MANBA: variants seen among roughly 807,000 people sequenced by gnomAD.
MANBA encodes beta-mannosidase.
A neutral mutation model predicts 111.1 loss-of-function variants in MANBA; 83 were observed. That is an observed-to-expected ratio of 0.75 (90% confidence interval 0.63 to 0.90). The LOEUF (loss-of-function observed/expected upper bound fraction) is 0.90, where lower values mean the gene tolerates loss of function less well. Among genes scored for constraint, MANBA ranks in the 40% least tolerant of loss-of-function variants. MANBA has a pLI of 0.00. For synonymous variants in MANBA, 370 were observed against 378.7 expected (o/e 0.98, Z 0.27); for missense variants, 1,036 against 1,069.0 (o/e 0.97, Z 0.43).
chr4:102,656,978 T>C (rs1730583509), intron 12 of MANBA, among the ~76,000 whole-genome samples: 1 of 152,054 alleles, frequency 6.6e-6, no homozygotes, highest in East Asian at 1.9e-4. Flanking sequence ...TTTTGAGTGA[T>C]AAAAATGTTC....
At chr4:102,643,589 A>T (rs1459306876) in intron 13 of MANBA, among the ~76,000 whole-genome samples, 1 of 152,078 alleles carries the variant, frequency 6.6e-6, no homozygotes, top group Non-Finnish European at 1.5e-5. Flanking sequence ...AAATTTGTAG[A>T]TATTGTAGTG....
chr4:102,631,602 A>G lies in MANBA; in HGVS notation c.*455T>C. The G allele has an allele frequency of 4.9e-6, 2 of 411,922 alleles. No homozygotes were observed. 25.5% of individuals were successfully genotyped at this position (411,922 alleles called of 1,614,324 possible). ...ACCACCAAGAAATCTCTGTTGTAAC[A>G]TTTCAATCGCCATTCCCTCTGAAAT... is the stretch of plus-strand genomic sequence containing the variant. On this transcript the variant is annotated 3_prime_UTR_variant, in exon 17 of 17. Coordinates refer to ENST00000647097, the MANE Select transcript of MANBA (RefSeq NM_005908.4).
intron 7 of MANBA, among the ~76,000 whole-genome samples, chr4:102,679,941 T>C (rs1365050364): frequency 2.6e-5 from 4 of 151,646 alleles, no homozygotes. Flanking sequence ...AAAAAAAAAA[T>C]CCCACTTCTC....
At chr4:102,683,136 C>G (rs931157548) in intron 7 of MANBA, among the ~76,000 whole-genome samples, 1 of 140,624 alleles carries the variant, frequency 7.1e-6, no homozygotes, top group Non-Finnish European at 1.5e-5. Context: ...AAGATGAAGA[C>G]AGGAATTTAA....
intron 12 of MANBA, among the ~76,000 whole-genome samples, chr4:102,651,263 G>A (rs759515835): frequency 6.6e-6 from 1 of 151,852 alleles, no homozygotes; most frequent in Non-Finnish European, 1.5e-5. Context: ...TTATATAGTT[G>A]AAGACACAAA....
intron 16 of MANBA, among the ~76,000 whole-genome samples, chr4:102,634,370 A>G (rs779512995): frequency 1.3e-5 from 2 of 152,252 alleles, no homozygotes; most frequent in Non-Finnish European, 2.9e-5. Context: ...CCTCGAGCTC[A>G]TCACTTAACC....
At chr4:102,677,464 A>AT (rs1202736214) in intron 7 of MANBA, among the ~76,000 whole-genome samples, 1 of 152,190 alleles carries the variant, frequency 6.6e-6, no homozygotes, top group Non-Finnish European at 1.5e-5. Flanking sequence ...AGAAACAAAC[A>AT]TTTTCCAATA....
chr4:102,757,677 T>C (rs891281364), intron 1 of MANBA, among the ~76,000 whole-genome samples: 6 of 152,198 alleles, frequency 3.9e-5, no homozygotes, highest in African/African-American at 1.2e-4. Context: ...TGCCCATACA[T>C]AGACCAGCAA....
chr4:102,708,414 G>C (rs1030274835), intron 5 of MANBA, among the ~76,000 whole-genome samples: 3 of 151,972 alleles, frequency 2.0e-5, no homozygotes, highest in Admixed American at 2.0e-4. Flanking sequence ...ATTGGGTCAA[G>C]AAAGAAATTA....
At chr4:102,711,438 A>T (rs927558340) in intron 5 of MANBA, among the ~76,000 whole-genome samples, 5 of 152,196 alleles carry the variant, frequency 3.3e-5, no homozygotes, top group African/African-American at 1.2e-4. Flanking sequence ...TAGAATGACT[A>T]TTACTGAAAA....
rs571349047 is a variant in MANBA at position 102,691,386 on chromosome 4, C to T, written c.674-615G>A. ...CTCTCATGAACTAAAAGTCTATAGACAAATTCAAAAGCATAATAATATCAG... is the reference window on the plus strand; with the variant it reads ...CTCTCATGAACTAAAAGTCTATAGATAAATTCAAAAGCATAATAATATCAG... On this transcript the variant is annotated intron_variant, in intron 5 of 16. Coordinates refer to ENST00000647097, the MANE Select transcript of MANBA (RefSeq NM_005908.4). 4.6e-5 allele frequency among the ~76,000 whole-genome samples: 7 copies of T among 151,794 alleles called. No individual in the cohort carries two copies. In the East Asian group the frequency reaches 9.7e-4, roughly 21 times the overall value.
chr4:102,722,840 A>T (rs1722636044), intron 4 of MANBA, 31 bp downstream of exon 4: 2 of 1,608,710 alleles, frequency 1.2e-6, no homozygotes, highest in Non-Finnish European at 1.7e-6. Flanking sequence ...GTCCTCAAAA[A>T]TAAAACCCGA....
At chr4:102,742,277 T>G (rs1723430782) in intron 1 of MANBA, among the ~76,000 whole-genome samples, 1 of 152,172 alleles carries the variant, frequency 6.6e-6, no homozygotes, top group Non-Finnish European at 1.5e-5. Context: ...GAACTAAGAC[T>G]TCTAGACCAG....
At chr4:102,696,147 GC>G (rs577722663) in intron 5 of MANBA, among the ~76,000 whole-genome samples, 199 of 152,280 alleles carry the variant, frequency 1.3e-3, no homozygotes, top group African/African-American at 4.5e-3. Context: ...GATCGCTTGA[GC>G]CCAGGAGGTC....
intron 7 of MANBA, among the ~76,000 whole-genome samples, chr4:102,680,793 G>A (rs1731941361): frequency 1.3e-5 from 2 of 152,188 alleles, no homozygotes; most frequent in Non-Finnish European, 1.5e-5. Flanking sequence ...ATTCCTTGAA[G>A]CTATTTTCTG....
chr4:102,663,859 T>C (rs1353821873), intron 11 of MANBA, among the ~76,000 whole-genome samples: 1 of 152,186 alleles, frequency 6.6e-6, no homozygotes, highest in Non-Finnish European at 1.5e-5. Context: ...AAGGCCAATT[T>C]ATATTAACAT....
intron 4 of MANBA, among the ~76,000 whole-genome samples, chr4:102,715,337 G>A (rs1196099096): frequency 6.6e-6 from 1 of 152,088 alleles, no homozygotes; most frequent in Non-Finnish European, 1.5e-5. Context: ...GAGTCAACTT[G>A]AGCCAAGCCT....
chr4:102,734,302 T>C (rs1723130991), intron 1 of MANBA: 3 of 1,526,632 alleles, frequency 2.0e-6, no homozygotes, highest in Non-Finnish European at 2.7e-6. Flanking sequence ...AGCGTGAGAG[T>C]TGGCTCTGAA....
At chr4:102,668,333 A>C (rs1731317376) in intron 10 of MANBA, 1 of 148,934 alleles carries the variant, frequency 6.7e-6, no homozygotes, top group Non-Finnish European at 1.5e-5. Flanking sequence ...TTCCTGTGCC[A>C]GACCTGGAGT....
Sources: gnomAD v4.1 joint callset for allele counts (sites outside exome capture counted in the v4.1 genomes callset) on GRCh38, gnomAD v4.1.1 for gene constraint, MANE v1.5 for transcripts, NCBI Gene and HGNC (gene_info 2026-07-23, HGNC 2026-07-21) for gene names.